Variants in RALGPS1 observed in about 807,000 individuals in gnomAD.
The protein encoded by RALGPS1 is Ral GEF with PH domain and SH3 binding motif 1, also known as ras-specific guanine nucleotide-releasing factor RalGPS1.
RALGPS1 carries 19 observed loss-of-function variants against 78.8 expected under a neutral mutation model. That is an observed-to-expected ratio of 0.24 (90% confidence interval 0.17 to 0.35). The LOEUF (loss-of-function observed/expected upper bound fraction) is 0.35, where lower values mean the gene tolerates loss of function less well. Among genes scored for constraint, RALGPS1 ranks in the 10% least tolerant of loss-of-function variants. The pLI, the probability that RALGPS1 is intolerant of heterozygous loss-of-function variation, is 1.00. For missense variants in RALGPS1, 454 were observed against 688.3 expected (o/e 0.66, Z 3.81); for synonymous variants, 228 against 256.3 (o/e 0.89, Z 1.06).
At chr9:127,094,725 T>G (rs1209883074) in intron 8 of RALGPS1, among the ~76,000 whole-genome samples, 1 of 152,230 alleles carries the variant, frequency 6.6e-6, no homozygotes, top group Admixed American at 6.5e-5. Flanking sequence ...GAGGTCCTCC[T>G]TGCAGGCTCA....
At chr9:127,093,686 G>A (rs1458396657) in intron 8 of RALGPS1, 1 of 1,602,804 alleles carries the variant, frequency 6.2e-7, no homozygotes, top group African/African-American at 1.3e-5. Context: ...TCTTGGGGTG[G>A]GCCAGTCACC....
chr9:127,211,353 G>A lies in RALGPS1; in HGVS notation c.1248-778G>A, dbSNP rs1169971545. Reference sequence around the variant, plus strand: ...CGTGGAGCGCACTGGGCAGTGGCTCGAAGGAAGGTCCAGTGGCCTGAGGTG... The same window carrying A: ...CGTGGAGCGCACTGGGCAGTGGCTCAAAGGAAGGTCCAGTGGCCTGAGGTG... On this transcript the variant is annotated intron_variant, in intron 14 of 18. Coordinates refer to ENST00000259351, the MANE Select transcript of RALGPS1 (RefSeq NM_014636.3). The surrounding 1 kb of genome is among the most constrained non-coding windows in gnomAD (Gnocchi z 5.0). 1.3e-5 allele frequency among the ~76,000 whole-genome samples: 2 copies of A among 152,198 alleles called. No individual in the cohort carries two copies. The highest frequency in any genetic ancestry group is 2.4e-5 in the African/African-American group (1 of 41,442).
Position 127,146,034 on chromosome 9 carries a change from T to C in RALGPS1, c.611-20035T>C, listed in dbSNP as rs553078757. ...TTTGTTTCCTGCAGTATCTGCGGCA[T>C]GGAGAACACGGTGGATTCTCGATAC... On this transcript the variant is annotated intron_variant, in intron 8 of 18. Transcript: ENST00000259351. 9.2e-5 allele frequency among the ~76,000 whole-genome samples: 14 copies of C among 152,368 alleles called. No homozygotes were observed. The East Asian group carries it at 1.9e-3, about 21-fold the overall frequency.
At chr9:126,965,700 A>C (rs932825940) in intron 2 of RALGPS1, 144 bp from the exon 3 acceptor site, 14 of 613,914 alleles carry the variant, frequency 2.3e-5, no homozygotes, top group Admixed American at 1.7e-4. Flanking sequence ...TGGTGCCTGG[A>C]CTGGGGTAAA....
chr9:127,002,433 C>CTTTTTTTTTTTTTTTTTTT (rs11380006), intron 4 of RALGPS1, among the ~76,000 whole-genome samples: 15 of 117,396 alleles, frequency 1.3e-4, no homozygotes, highest in South Asian at 2.5e-4. Flanking sequence ...CACAAACATT[C>CTTTTTTTTTTTTTTTTTTT]TTTTTTTTTT....
Position 127,159,518 on chromosome 9 carries a change from C to T in RALGPS1, c.611-6551C>T, listed in dbSNP as rs1005290577. Among the ~76,000 whole-genome samples, 3 of 152,202 alleles carry T rather than the reference C, an allele frequency of 2.0e-5. No homozygotes were observed. The East Asian group carries it at 5.8e-4, about 29-fold the overall frequency. On this transcript the variant is annotated intron_variant, in intron 8 of 18. Coordinates refer to ENST00000259351, the MANE Select transcript of RALGPS1 (RefSeq NM_014636.3). ...CCTGCGCCTGCCCCCTTCTGCAGAC[C>T]GAGGAAACTGTCTCAGTGACAGTAA...
intron 8 of RALGPS1, among the ~76,000 whole-genome samples, chr9:127,157,359 C>G (rs1034771439): frequency 3.9e-5 from 6 of 151,914 alleles, no homozygotes; most frequent in African/African-American, 1.5e-4. Flanking sequence ...CCTGAATTAC[C>G]AAAGTGTTAC....
At chr9:126,968,274 G>A (rs1240742790) in intron 3 of RALGPS1, among the ~76,000 whole-genome samples, 1 of 151,956 alleles carries the variant, frequency 6.6e-6, no homozygotes, top group African/African-American at 2.4e-5. Context: ...GTGCTGGTTG[G>A]GATTACAGGC....
intron 1 of RALGPS1, among the ~76,000 whole-genome samples, chr9:126,938,023 A>G (rs2036419807): frequency 6.6e-6 from 1 of 152,192 alleles, no homozygotes; most frequent in Non-Finnish European, 1.5e-5. Flanking sequence ...CTTTTGGGGA[A>G]CATGATCTGA....
chr9:126,934,295 C>A (rs2036062833), intron 1 of RALGPS1, among the ~76,000 whole-genome samples: 1 of 152,134 alleles, frequency 6.6e-6, no homozygotes, highest in African/African-American at 2.4e-5. Flanking sequence ...AATTATTTTC[C>A]CTACTTTTAT....
intron 7 of RALGPS1, among the ~76,000 whole-genome samples, chr9:127,059,805 G>A (rs2049045598): frequency 2.0e-5 from 3 of 152,074 alleles, no homozygotes; most frequent in African/African-American, 7.2e-5. Flanking sequence ...TGGTTTCCAG[G>A]AAGATGATGG....
intron 4 of RALGPS1, among the ~76,000 whole-genome samples, chr9:127,017,859 A>T (rs1235674884): frequency 6.6e-6 from 1 of 152,076 alleles, no homozygotes; most frequent in African/African-American, 2.4e-5. Flanking sequence ...CCACCTCCAC[A>T]TCTTGTCCCA....
intron 4 of RALGPS1, among the ~76,000 whole-genome samples, chr9:126,992,620 A>G (rs185663744): frequency 6.6e-6 from 1 of 152,354 alleles, no homozygotes; most frequent in East Asian, 1.9e-4. Context: ...TTGACATTTT[A>G]ATGATATTGC....
intron 8 of RALGPS1, among the ~76,000 whole-genome samples, chr9:127,098,229 A>G (rs368197534): frequency 2.3e-4 from 35 of 152,330 alleles, no homozygotes; most frequent in East Asian, 1.9e-3. Flanking sequence ...CTTTTTTGTC[A>G]ATGAAACTGA....
At chr9:127,008,875 T>G (rs952804500) in intron 4 of RALGPS1, among the ~76,000 whole-genome samples, 2 of 152,232 alleles carry the variant, frequency 1.3e-5, no homozygotes, top group Admixed American at 6.5e-5. Flanking sequence ...CTGCTATTTC[T>G]TCTCTTCCTC....
At chr9:127,197,303 C>T (rs1165023614) in intron 13 of RALGPS1, among the ~76,000 whole-genome samples, 9 of 152,128 alleles carry the variant, frequency 5.9e-5, no homozygotes, top group African/African-American at 9.7e-5. Context: ...AGGTGGGCAC[C>T]GCCCTGTTAT....
intron 8 of RALGPS1, among the ~76,000 whole-genome samples, chr9:127,073,718 G>A (rs1230654483): frequency 1.3e-5 from 2 of 152,088 alleles, no homozygotes; most frequent in African/African-American, 4.8e-5. Context: ...CCCACCAACA[G>A]TGTGTAGTTC....
chr9:126,996,867 G>C (rs1326170765), intron 4 of RALGPS1, among the ~76,000 whole-genome samples: 2 of 152,180 alleles, frequency 1.3e-5, no homozygotes, highest in Non-Finnish European at 2.9e-5. Context: ...GGGATGCAAG[G>C]CTGGTTCAAC....
Position 127,091,935 on chromosome 9 carries a change from C to A in RALGPS1, c.610+22579C>A. ...AGTATTCGCCGTCAATGTTCCCAAA[C>A]CCTTGCTGGGGAAAACCCAGGAGAG... On this transcript the variant is annotated intron_variant, in intron 8 of 18. Coordinates refer to ENST00000259351, the MANE Select transcript of RALGPS1 (RefSeq NM_014636.3). This position sits in a 1 kb window ranked among gnomAD's most constrained non-coding sequence, Gnocchi z 4.3. 1.2e-6 allele frequency: 2 copies of A among 1,613,746 alleles called. No homozygotes were observed. The highest frequency in any genetic ancestry group is 8.5e-7 in the Non-Finnish European group (1 of 1,179,786).
Sources: gnomAD v4.1 joint callset for allele counts (sites outside exome capture counted in the v4.1 genomes callset) on GRCh38, gnomAD v4.1.1 for gene constraint, Gnocchi (gnomAD v3.1) non-coding constraint, MANE v1.5 for transcripts, NCBI Gene and HGNC (gene_info 2026-07-23, HGNC 2026-07-21) for gene names.